COL25A1: variants seen among roughly 807,000 people sequenced by gnomAD.
The protein encoded by COL25A1 is collagen alpha-1(XXV) chain.
A neutral mutation model predicts 128.4 loss-of-function variants in COL25A1; 103 were observed. The ratio of observed to expected loss-of-function variants is 0.80; its 90% confidence interval spans 0.68 to 0.94. COL25A1 has a LOEUF of 0.94. Among genes scored for constraint, COL25A1 ranks in the 40% least tolerant of loss-of-function variants. The pLI is 0.00. For synonymous variants in COL25A1, 279 were observed against 277.2 expected, an observed-to-expected ratio of 1.01 and a Z score of -0.06; for missense variants, 745 against 840.0, an observed-to-expected ratio of 0.89 and a Z score of 1.40.
chr4:109,199,470 C>T (rs559134694), intron 3 of COL25A1, among the ~76,000 whole-genome samples: 16 of 151,890 alleles, frequency 1.1e-4, no homozygotes, highest in South Asian at 1.0e-3. Context: ...TTTCTGAAAA[C>T]GGCACTGTAA....
chr4:109,078,486 T>C (rs1359315202), intron 3 of COL25A1, among the ~76,000 whole-genome samples: 3 of 152,182 alleles, frequency 2.0e-5, no homozygotes, highest in Non-Finnish European at 4.4e-5. Flanking sequence ...TGCAGGCTTT[T>C]CTCAAAAAAT....
chr4:108,852,419 A>C (rs959367570), intron 25 of COL25A1, 139 bp from the exon 26 acceptor site: 28 of 645,824 alleles, frequency 4.3e-5, no homozygotes, highest in Non-Finnish European at 1.3e-5. Flanking sequence ...ATGAGGAAAA[A>C]TTTTACTAGT....
chr4:109,229,947 G>A (rs891914913), intron 3 of COL25A1, among the ~76,000 whole-genome samples: 1 of 152,170 alleles, frequency 6.6e-6, no homozygotes, highest in African/African-American at 2.4e-5. Context: ...CTCCCTCAGG[G>A]AGCTTTTACT....
intron 6 of COL25A1, among the ~76,000 whole-genome samples, chr4:108,983,338 C>G (rs1753222235): frequency 6.6e-6 from 1 of 152,180 alleles, no homozygotes; most frequent in East Asian, 1.9e-4. Flanking sequence ...ATGGTGCAAT[C>G]TACCCTAAAA....
At chr4:108,859,870 A>G (rs2125789061) in intron 23 of COL25A1, 137 bp from the exon 24 acceptor site, 1 of 594,282 alleles carries the variant, frequency 1.7e-6, no homozygotes, top group Non-Finnish European at 3.0e-6. Context: ...ACTTTAGAAT[A>G]TATAAATAAT....
chr4:108,961,568 C>CCTGTT (rs55657985), intron 8 of COL25A1, among the ~76,000 whole-genome samples: 21,102 of 135,388 alleles, frequency 0.16, 1,942 homozygotes, highest in South Asian at 0.22. Context: ...AGAAGGTTCT[C>CCTGTT]CTGTTCTGTT....
intron 3 of COL25A1, among the ~76,000 whole-genome samples, chr4:109,095,577 G>A (rs1765324448): frequency 6.6e-6 from 1 of 152,172 alleles, no homozygotes; most frequent in Admixed American, 6.5e-5. Flanking sequence ...TTCATACCAA[G>A]AGATCACGCA....
At chr4:109,301,240 T>G (rs1725495015) in intron 2 of COL25A1, among the ~76,000 whole-genome samples, 1 of 152,194 alleles carries the variant, frequency 6.6e-6, no homozygotes, top group Non-Finnish European at 1.5e-5. Flanking sequence ...ACTTTTAATA[T>G]GAAAAGATTC....
intron 3 of COL25A1, among the ~76,000 whole-genome samples, chr4:109,300,359 G>A (rs1319791997): frequency 2.6e-5 from 4 of 152,118 alleles, no homozygotes; most frequent in African/African-American, 4.8e-5. Flanking sequence ...TTTCTTTGGT[G>A]ATTATATCCT....
At position 109,048,156 on chromosome 4, in the gene COL25A1, A is replaced by C; in HGVS notation, c.420+12T>G. The C allele has an allele frequency of 6.2e-7, 1 of 1,612,958 alleles. No homozygotes were observed. Among genetic ancestry groups the C allele is most frequent in the Non-Finnish European group, 8.5e-7 (1 of 1,179,022 alleles). On this transcript the variant is annotated intron_variant, in intron 5 of 37. Transcript: ENST00000399132. The stretch of plus-strand genomic sequence containing the variant: ...AAATGCAAACAAGCCAAAGTGCAGC[A>C]AACATACTTACAGGAGGACCTATGG...
intron 3 of COL25A1, among the ~76,000 whole-genome samples, chr4:109,173,236 C>T (rs766726322): frequency 6.6e-6 from 1 of 151,904 alleles, no homozygotes; most frequent in Non-Finnish European, 1.5e-5. Flanking sequence ...CAGGCACACA[C>T]CACCACATCC....
rs373587535 is a variant in COL25A1 at position 108,940,653 on chromosome 4, T to A, written c.565-7A>T. The A allele has an allele frequency of 2.3e-5, 36 of 1,571,166 alleles. No individual in the cohort carries two copies. The highest frequency in any genetic ancestry group is 2.9e-5 in the Non-Finnish European group (34 of 1,157,548). ...CTGCCTGTCCTTGGTCACCCTGTGA[T>A]GGAGAAGGGAACAGACCAGCAATAA... On this transcript the variant is annotated splice_region_variant and splice_polypyrimidine_tract_variant and intron_variant, in intron 9 of 37. Coordinates refer to ENST00000399132, the MANE Select transcript of COL25A1 (RefSeq NM_198721.4).
chr4:108,997,239 A>G (rs947163973), intron 6 of COL25A1, among the ~76,000 whole-genome samples: 19 of 152,164 alleles, frequency 1.2e-4, no homozygotes, highest in African/African-American at 3.9e-4. Flanking sequence ...AGACTAATAA[A>G]GAAGAAAAGA....
chr4:109,051,111 A>C (rs565631033), intron 3 of COL25A1, among the ~76,000 whole-genome samples: 1 of 152,170 alleles, frequency 6.6e-6, no homozygotes, highest in Admixed American at 6.5e-5. Context: ...TTGCCAGGAG[A>C]AGAAGGCCAA....
intron 3 of COL25A1, among the ~76,000 whole-genome samples, chr4:109,176,734 AG>A (rs1363289062): frequency 1.3e-5 from 2 of 152,222 alleles, no homozygotes; most frequent in African/African-American, 4.8e-5. Flanking sequence ...TGGATTAACC[AG>A]GTGCCTCAAA....
chr4:109,180,605 T>C (rs539959135), intron 3 of COL25A1, among the ~76,000 whole-genome samples: 12 of 152,180 alleles, frequency 7.9e-5, no homozygotes, highest in African/African-American at 2.9e-4. Flanking sequence ...ACGATGATGA[T>C]TATATAAGGG....
In COL25A1 at chr4:109,302,206, C is replaced by CCAT. The variant is rs766649593; in HGVS notation, c.-97_-95dup. 52 of 679,500 alleles carry CCAT rather than the reference C, an allele frequency of 7.7e-5. No homozygotes were observed. Among genetic ancestry groups the CCAT allele is most frequent in the Non-Finnish European group, 3.5e-5 (15 of 430,352 alleles). The allele number at this position is 679,500 out of a possible 1,614,324, so 42.1% of individuals were successfully genotyped here. On this transcript the variant is annotated 5_prime_UTR_variant, in exon 1 of 38. The change creates a new upstream start codon in the 5' untranslated region. Coordinates refer to ENST00000399132, the MANE Select transcript of COL25A1 (RefSeq NM_198721.4). The stretch of plus-strand genomic sequence containing the variant: ...CAGCGTCCAGACCCGCAGGCGTGCA[C>CCAT]CATCCCCGCTTTCTTCTCTCCTCCC...
At chr4:108,879,399 A>T (rs1206834167) in intron 19 of COL25A1, among the ~76,000 whole-genome samples, 1 of 151,044 alleles carries the variant, frequency 6.6e-6, no homozygotes, top group Non-Finnish European at 1.5e-5. Flanking sequence ...TTTTTCCCCC[A>T]ATTTGCTTTC....
intron 6 of COL25A1, among the ~76,000 whole-genome samples, chr4:109,000,180 C>T (rs866087627): frequency 6.6e-6 from 1 of 151,892 alleles, no homozygotes; most frequent in African/African-American, 2.4e-5. Context: ...AATTATAATA[C>T]AATTTAAAGA....
Sources: allele counts gnomAD v4.1 joint callset (sites outside exome capture counted in the v4.1 genomes callset), GRCh38; gene constraint gnomAD v4.1.1; transcripts MANE v1.5; gene names NCBI Gene and HGNC (gene_info 2026-07-23, HGNC 2026-07-21).